Variants in IL1RAPL2 observed in about 807,000 individuals in gnomAD.
IL1RAPL2 encodes interleukin 1 receptor accessory protein like 2, also known as X-linked interleukin-1 receptor accessory protein-like 2.
IL1RAPL2 carries 3 observed loss-of-function variants against 44.1 expected under a neutral mutation model. That is an observed-to-expected ratio of 0.07 (90% confidence interval 0.03 to 0.18). IL1RAPL2 has a LOEUF of 0.18. Ranked by LOEUF, IL1RAPL2 falls within the 10% of genes least tolerant of loss-of-function variation. IL1RAPL2 has a pLI of 1.00. For missense variants in IL1RAPL2, 391 were observed against 496.4 expected (o/e 0.79, Z 2.02); for synonymous variants, 181 against 178.8 (o/e 1.01, Z -0.10).
intron 2 of IL1RAPL2, among the ~76,000 whole-genome samples, chrX:104,733,899 A>G (rs1384941547): frequency 9.0e-6 from 1 of 110,611 alleles, no homozygotes; most frequent in African/African-American, 3.3e-5. Context: ...CTAATAAAGG[A>G]CTTGAATCCA....
chrX:104,847,405 A>T (rs1313947538), intron 2 of IL1RAPL2, among the ~76,000 whole-genome samples: 39 of 111,656 alleles, frequency 3.5e-4, no homozygotes, highest in Non-Finnish European at 5.6e-4. Context: ...TCAGCTTTCT[A>T]CATATGGCTA....
At chrX:105,095,586 T>A (rs1001906918) in intron 2 of IL1RAPL2, among the ~76,000 whole-genome samples, 1 of 111,825 alleles carries the variant, frequency 8.9e-6, no homozygotes, top group African/African-American at 3.2e-5. Context: ...GCCAAAAGCA[T>A]TCAATGGGAA....
rs775425777 is a variant in IL1RAPL2, at chrX:105,263,988, C to A, written c.544-3400C>A. On this transcript the variant is annotated intron_variant, in intron 4 of 10. Transcript: ENST00000372582. ...AGACTTGACCTATGCACTTCAAATT[C>A]TTTGCCTAGTATGTTGCTATAATTA... Among the ~76,000 whole-genome samples the A allele has an allele frequency of 4.6e-4, 51 of 111,508 alleles. 1 individual carries two copies. The highest frequency in any genetic ancestry group is 1.6e-3 in the African/African-American group (49 of 30,674).
chrX:105,041,559 G>T (rs2031738212), intron 2 of IL1RAPL2, among the ~76,000 whole-genome samples: 1 of 110,100 alleles, frequency 9.1e-6, no homozygotes, highest in Non-Finnish European at 1.9e-5. Context: ...ACAAACCACT[G>T]CTCAACGAAA....
At chrX:105,311,439 T>G (rs772986869) in intron 5 of IL1RAPL2, among the ~76,000 whole-genome samples, 1 of 109,582 alleles carries the variant, frequency 9.1e-6, no homozygotes, top group Admixed American at 9.9e-5. Context: ...CTCTTTATGG[T>G]CATTTAAGTA....
chrX:104,613,125 T>G (rs903785293), intron 1 of IL1RAPL2, among the ~76,000 whole-genome samples: 4 of 112,092 alleles, frequency 3.6e-5, no homozygotes, highest in African/African-American at 6.5e-5. Context: ...TGAAGGGAAA[T>G]AGTTTGACAC....
intron 5 of IL1RAPL2, among the ~76,000 whole-genome samples, chrX:105,425,064 C>T (rs2035799779): frequency 9.0e-6 from 1 of 110,998 alleles, no homozygotes; most frequent in South Asian, 3.9e-4. Flanking sequence ...TGACAGATAA[C>T]CCAGCATCTT....
At chrX:105,459,631 A>G (rs1331700214) in intron 5 of IL1RAPL2, among the ~76,000 whole-genome samples, 1 of 111,632 alleles carries the variant, frequency 9.0e-6, no homozygotes, top group Admixed American at 9.6e-5. Flanking sequence ...ACAGGTTGCT[A>G]TAATAATAGA....
chrX:105,134,405 A>G (rs987172229), intron 2 of IL1RAPL2, among the ~76,000 whole-genome samples: 3 of 112,139 alleles, frequency 2.7e-5, no homozygotes, highest in African/African-American at 6.5e-5. Flanking sequence ...TTCAACAAAT[A>G]TTTACTCATT....
At chrX:104,808,569 G>A (rs1044688248) in intron 2 of IL1RAPL2, among the ~76,000 whole-genome samples, 2 of 111,292 alleles carry the variant, frequency 1.8e-5, no homozygotes, top group East Asian at 2.8e-4. Context: ...AATAGGAGTC[G>A]CAAGAGCCAA....
intron 2 of IL1RAPL2, among the ~76,000 whole-genome samples, chrX:104,814,089 A>AC (rs1431693311): frequency 9.0e-6 from 1 of 110,999 alleles, no homozygotes; most frequent in African/African-American, 3.3e-5. Context: ...AGGGGTAAGG[A>AC]CCCTGTTCTC....
intron 2 of IL1RAPL2, among the ~76,000 whole-genome samples, chrX:104,897,231 A>G (rs1427949130): frequency 7.1e-5 from 8 of 112,073 alleles, no homozygotes; most frequent in African/African-American, 2.6e-4. Context: ...AGAGAGCTGG[A>G]TGTCAAGATA....
chrX:105,580,367 T>G (rs1222555040), intron 6 of IL1RAPL2, among the ~76,000 whole-genome samples: 4 of 107,114 alleles, frequency 3.7e-5, no homozygotes, highest in Non-Finnish European at 7.7e-5. Context: ...CCCGTGTTTT[T>G]TTTTTTTTTT....
Position 105,127,392 on chromosome X carries a change from G to T in IL1RAPL2, c.83-68083G>T, listed in dbSNP as rs758289799. Among the ~76,000 whole-genome samples, 3 of 111,324 alleles carry T rather than the reference G, an allele frequency of 2.7e-5. No homozygotes were observed. In the East Asian group the frequency reaches 8.4e-4, roughly 31 times the overall value. ...GTTTATTATTTTAATTTATGCGTAG[G>T]TATCTGCATTATGTCCTGAATAAGT... On this transcript the variant is annotated intron_variant, in intron 2 of 10. Transcript: ENST00000372582.
chrX:105,051,575 C>T (rs1463835698), intron 2 of IL1RAPL2, among the ~76,000 whole-genome samples: 1 of 112,725 alleles, frequency 8.9e-6, no homozygotes, highest in Non-Finnish European at 1.9e-5. Context: ...CCCAGGAGGG[C>T]AGGGCTCCTG....
chrX:105,576,373 A>C (rs1387414045), intron 6 of IL1RAPL2, among the ~76,000 whole-genome samples: 1 of 111,590 alleles, frequency 9.0e-6, no homozygotes, highest in African/African-American at 3.3e-5. Context: ...TCTTCTGCAT[A>C]TGCCTAGCCA....
intron 2 of IL1RAPL2, among the ~76,000 whole-genome samples, chrX:104,729,016 A>G (rs753055637): frequency 5.4e-5 from 6 of 111,740 alleles, no homozygotes; most frequent in South Asian, 7.4e-4. Flanking sequence ...CTTTAAGTCA[A>G]GTATGCATGT....
chrX:105,330,807 C>T (rs1006460451), intron 5 of IL1RAPL2, among the ~76,000 whole-genome samples: 2 of 111,333 alleles, frequency 1.8e-5, no homozygotes, highest in Non-Finnish European at 3.8e-5. Context: ...TTCATTAAAT[C>T]TTTCCTGAAT....
At chrX:104,964,032 A>G (rs922841884) in intron 2 of IL1RAPL2, among the ~76,000 whole-genome samples, 4 of 109,971 alleles carry the variant, frequency 3.6e-5, no homozygotes, top group Non-Finnish European at 5.7e-5. Flanking sequence ...TTCATGACCT[A>G]TGAGATCTGA....
Sources: allele counts gnomAD v4.1 joint callset (sites outside exome capture counted in the v4.1 genomes callset), GRCh38; gene constraint gnomAD v4.1.1; transcripts MANE v1.5; gene names NCBI Gene and HGNC (gene_info 2026-07-23, HGNC 2026-07-21).